Variants in CHRNA9 observed in about 807,000 individuals in gnomAD.
CHRNA9 encodes the protein cholinergic receptor nicotinic alpha 9 subunit, also known as neuronal acetylcholine receptor subunit alpha-9.
CHRNA9 carries 24 observed loss-of-function variants against 36.8 expected under a neutral mutation model. The observed-to-expected ratio is 0.65, with a 90% CI of 0.47 to 0.92. The LOEUF is 0.92. Among genes scored for constraint, CHRNA9 ranks in the 40% least tolerant of loss-of-function variants. The pLI is 0.00. For synonymous variants in CHRNA9, 231 were observed against 231.8 expected (o/e 1.00, Z 0.03); for missense variants, 610 against 601.2 (o/e 1.01, Z -0.15).
intron 4 of CHRNA9, among the ~76,000 whole-genome samples, chr4:40,351,695 A>G (rs1712810179): frequency 6.6e-6 from 1 of 152,238 alleles, no homozygotes; most frequent in African/African-American, 2.4e-5. Flanking sequence ...AATAAAAAAG[A>G]TGATAAACAT....
chr4:40,349,038 T>C lies in CHRNA9; in HGVS notation c.522T>C (p.Gly174=). 6.2e-7 allele frequency: 1 copy of C among 1,614,168 alleles called. No individual in the cohort carries two copies. Among genetic ancestry groups the C allele is most frequent in the Non-Finnish European group, 8.5e-7 (1 of 1,180,016 alleles). ...ACCAGCAGTGCAACCTGACTTTTGG[T>C]TCCTGGACCTACAATGGCAATCAGG... ...FDNQQCNLTF[G]SWTYNGNQVD... The change falls in exon 4 of 5, where the codon GGT becomes GGC. Residue 174 remains glycine, a synonymous_variant. Transcript: ENST00000310169.
intron 4 of CHRNA9, 55 bp from the exon 5 acceptor site, chr4:40,353,924 C>T (rs1182214899): frequency 6.9e-7 from 1 of 1,450,146 alleles, no homozygotes; most frequent in African/African-American, 1.4e-5. Flanking sequence ...TGACTCGTGG[C>T]TGTATGAGGA....
In CHRNA9 at chr4:40,337,347, C is replaced by T; in HGVS notation, c.348C>T (p.Asp116=). The T allele has an allele frequency of 1.2e-6, 2 of 1,614,148 alleles. No homozygotes were observed. Among genetic ancestry groups the T allele is most frequent in the Non-Finnish European group, 1.7e-6 (2 of 1,179,988 alleles). ...RIPSDLVWRP[D]IVLYNKADDE... ...CCAGTGACCTCGTGTGGAGGCCAGA[C>T]ATCGTCTTATATAACAAGTAAGTGC... The change falls in exon 3 of 5, where the codon GAC becomes GAT. Residue 116 remains aspartate, a synonymous_variant. Coordinates refer to ENST00000310169, the MANE Select transcript of CHRNA9 (RefSeq NM_017581.4).
intron 4 of CHRNA9, among the ~76,000 whole-genome samples, chr4:40,351,644 C>T (rs1712809176): frequency 6.6e-6 from 1 of 152,124 alleles, no homozygotes; most frequent in South Asian, 2.1e-4. Flanking sequence ...GGCCCATGGC[C>T]TTTACCATTT....
At position 40,337,193 on chromosome 4, in the gene CHRNA9, C is replaced by T. The variant is rs1366752571; in HGVS notation, c.211-17C>T. The T allele has an allele frequency of 1.2e-6, 2 of 1,612,394 alleles. No individual in the cohort carries two copies. The highest frequency in any genetic ancestry group is 1.7e-6 in the Non-Finnish European group (2 of 1,178,484). On this transcript the variant is annotated splice_polypyrimidine_tract_variant and intron_variant, in intron 2 of 4. Coordinates refer to ENST00000310169, the MANE Select transcript of CHRNA9 (RefSeq NM_017581.4). ...AAGTGTCTGCTAGGTAAAGCGACAT[C>T]TGGATTCATTGTGTAGGATGAAAGA...
At position 40,354,456 on chromosome 4, in the gene CHRNA9, T is replaced by G; in HGVS notation, c.1376T>G (p.Phe459Cys). Residue 459 changes from phenylalanine to cysteine, a missense_variant, in exon 5 of 5, where the codon TTC becomes TGC. Physicochemically the swap from Phe to Cys is radical, Grantham distance 205 (BLOSUM62 -2). Transcript: ENST00000310169. ...GTGGCGAAAGTCATAGACCGATTCTTCATGTGGATTTTTTTCATTATGGTG... is the reference window on the plus strand; with the variant it reads ...GTGGCGAAAGTCATAGACCGATTCTGCATGTGGATTTTTTTCATTATGGTG... Reference protein sequence around the residue: ...KKVAKVIDRFFMWIFFIMVFV... With the variant: ...KKVAKVIDRFCMWIFFIMVFV... 1 of 1,614,116 alleles carries G rather than the reference T, an allele frequency of 6.2e-7. No individual in the cohort carries two copies. Among genetic ancestry groups the G allele is most frequent in the Non-Finnish European group, 8.5e-7 (1 of 1,179,986 alleles).
In CHRNA9 at chr4:40,335,921, TA is replaced by T. The variant is rs768574003; in HGVS notation, c.162del (p.Val55SerfsTer2). 1.6e-5 allele frequency: 26 copies of T among 1,612,812 alleles called. No individual in the cohort carries two copies. The highest frequency in any genetic ancestry group is 2.1e-5 in the Non-Finnish European group (25 of 1,178,858). On this transcript the variant is annotated frameshift_variant, in exon 2 of 5. Transcript: ENST00000310169. LOFTEE classifies it high-confidence loss of function. Reference protein sequence around the residue: ...NALRPVEDTDKVLNVTLQITL... With the variant: ...NALRPVEDTDXVLNVTLQITL... ...CTCTTCGTCCAGTGGAAGATACAGATAAAGTCCTGAATGTGACCCTGCAGAT... is the reference window on the plus strand; with the variant it reads ...CTCTTCGTCCAGTGGAAGATACAGATAAGTCCTGAATGTGACCCTGCAGAT...
chr4:40,336,952 G>A (rs1712340547), intron 2 of CHRNA9, among the ~76,000 whole-genome samples: 2 of 152,070 alleles, frequency 1.3e-5, no homozygotes, highest in Admixed American at 1.3e-4. Flanking sequence ...AGGAAATATA[G>A]GCAGTTGATC....
In CHRNA9 at chr4:40,354,543, C is replaced by T; in HGVS notation, c.*23C>T. ...TAGTCACAGATATTGGCTTTGCTAT[C>T]TGGGTAGAAATTAATACAATTCCCT... On this transcript the variant is annotated 3_prime_UTR_variant, in exon 5 of 5. Transcript: ENST00000310169. 6.4e-7 allele frequency: 1 copy of T among 1,561,120 alleles called. No homozygotes were observed. The highest frequency in any genetic ancestry group is 8.7e-7 in the Non-Finnish European group (1 of 1,143,144).
At chr4:40,352,412 A>C (rs570955637) in intron 4 of CHRNA9, among the ~76,000 whole-genome samples, 1 of 152,186 alleles carries the variant, frequency 6.6e-6, no homozygotes, top group African/African-American at 2.4e-5. Context: ...TTTAGTAGAG[A>C]CGGGGTTTCA....
rs1471305940 is a variant in CHRNA9 at position 40,352,940 on chromosome 4, A to G, written c.899-1039A>G. On this transcript the variant is annotated intron_variant, in intron 4 of 4. Transcript: ENST00000310169. ...AATTTTTCACCTCATGATCTCAGCA[A>G]ACATTTCCAAACTTTTTAATTTCGA... Among the ~76,000 whole-genome samples the G allele has an allele frequency of 2.6e-5, 4 of 152,202 alleles. No individual in the cohort carries two copies. In the East Asian group the frequency reaches 7.7e-4, roughly 29 times the overall value.
rs767690903 is a variant in CHRNA9, at chr4:40,354,878, T to A, written c.*358T>A. 1 of 185,076 alleles carries A rather than the reference T, an allele frequency of 5.4e-6. No homozygotes were observed. The highest frequency in any genetic ancestry group is 1.1e-5 in the Non-Finnish European group (1 of 87,230). 11.5% of individuals were successfully genotyped at this position (185,076 alleles called of 1,614,324 possible). A position where few individuals can be genotyped will look rare whatever the true frequency, so the allele number is the denominator to read the frequency against. On this transcript the variant is annotated 3_prime_UTR_variant, in exon 5 of 5. Coordinates refer to ENST00000310169, the MANE Select transcript of CHRNA9 (RefSeq NM_017581.4). ...AAAAGGCAAAACAAAACAAACTCAT[T>A]TTCCCCTTAGTTCCCATTAAAATAT...
rs1428222158 is a variant in CHRNA9, at chr4:40,354,373, C to T, written c.1293C>T (p.Ile431=). 7.4e-6 allele frequency: 12 copies of T among 1,614,050 alleles called. 1 individual carries two copies. The highest frequency in any genetic ancestry group is 3.3e-5 in the Admixed American group (2 of 60,002). The stretch of plus-strand genomic sequence containing the variant: ...TGCTGACGAGGAATATTGAGTACAT[C>T]GCCAAGTGCCTCAAAGACCACAAGG... ...YKVLTRNIEY[I]AKCLKDHKAT... The change falls in exon 5 of 5, where the codon ATC becomes ATT. Residue 431 remains isoleucine, a synonymous_variant. Coordinates refer to ENST00000310169, the MANE Select transcript of CHRNA9 (RefSeq NM_017581.4).
intron 4 of CHRNA9, 63 bp from the exon 5 acceptor site, chr4:40,353,916 A>AG: frequency 1.4e-6 from 2 of 1,389,666 alleles, no homozygotes; most frequent in Non-Finnish European, 9.9e-7. Flanking sequence ...TTGTTAAGTG[A>AG]CTCGTGGCTG....
At chr4:40,345,789 C>T (rs1054989964) in intron 3 of CHRNA9, among the ~76,000 whole-genome samples, 1 of 152,150 alleles carries the variant, frequency 6.6e-6, no homozygotes, top group Non-Finnish European at 1.5e-5. Flanking sequence ...CTCTGGGAGG[C>T]TGAGGCGGGT....
intron 3 of CHRNA9, among the ~76,000 whole-genome samples, chr4:40,346,200 C>A (rs971847339): frequency 1.3e-5 from 2 of 152,182 alleles, no homozygotes; most frequent in Non-Finnish European, 2.9e-5. Flanking sequence ...CATGTGTATT[C>A]CCTCGCTGTC....
chr4:40,336,301 T>A (rs374230292), intron 2 of CHRNA9, among the ~76,000 whole-genome samples: 1 of 152,040 alleles, frequency 6.6e-6, no homozygotes, highest in Non-Finnish European at 1.5e-5. Flanking sequence ...CCGGGGTCTG[T>A]GGGGAGGACG....
rs1316132064 is a variant in CHRNA9 at position 40,354,436 on chromosome 4, GA to G, written c.1359del (p.Val454SerfsTer2). The G allele has an allele frequency of 6.2e-7, 1 of 1,613,956 alleles. No individual in the cohort carries two copies. Among genetic ancestry groups the G allele is most frequent in the Non-Finnish European group, 8.5e-7 (1 of 1,179,966 alleles). On this transcript the variant is annotated frameshift_variant, in exon 5 of 5. Coordinates refer to ENST00000310169, the MANE Select transcript of CHRNA9 (RefSeq NM_017581.4). LOFTEE classifies it high-confidence loss of function. ...AGGGGAGTGAATGGAAGAAGGTGGCGAAAGTCATAGACCGATTCTTCATGTG... is the reference window on the plus strand; with the variant it reads ...AGGGGAGTGAATGGAAGAAGGTGGCGAAGTCATAGACCGATTCTTCATGTG... ...SKGSEWKKVA[K>X]VIDRFFMWIF... is the part of the protein sequence containing the mutation.
In CHRNA9 at chr4:40,335,976, AG is replaced by A; in HGVS notation, c.210+5del. ...GCTCTCTCAGATTAAGGATATGGTG[AG>A]TAACACATGGTGCTGACTCTGTGGA... On this transcript the variant is annotated splice_donor_5th_base_variant and intron_variant, in intron 2 of 4. Transcript: ENST00000310169. 1 of 1,610,664 alleles carries A rather than the reference AG, an allele frequency of 6.2e-7. No homozygotes were observed. The highest frequency in any genetic ancestry group is 2.2e-5 in the East Asian group (1 of 44,870).
Sources: gnomAD v4.1 joint callset for allele counts (sites outside exome capture counted in the v4.1 genomes callset) on GRCh38, gnomAD v4.1.1 for gene constraint, MANE v1.5 for transcripts, NCBI Gene and HGNC (gene_info 2026-07-23, HGNC 2026-07-21) for gene names.